TIAM2: variants seen among roughly 807,000 people sequenced by gnomAD.
TIAM2 encodes TIAM Rac1 associated GEF 2.
In TIAM2, 80 loss-of-function variants were observed where a neutral mutation model predicts 152.9. The observed-to-expected ratio is 0.52, with a 90% CI of 0.44 to 0.63. TIAM2 has a LOEUF of 0.63. Among genes scored for constraint, TIAM2 ranks in the 30% least tolerant of loss-of-function variants. TIAM2 has a pLI of 0.00. For synonymous variants in TIAM2, 804 were observed against 838.0 expected, an observed-to-expected ratio of 0.96 and a Z score of 0.70; for missense variants, 1,965 against 2,120.1, an observed-to-expected ratio of 0.93 and a Z score of 1.44.
intron 1 of TIAM2, among the ~76,000 whole-genome samples, chr6:155,035,679 T>A (rs186072072): frequency 1.2e-4 from 18 of 152,320 alleles, no homozygotes; most frequent in Non-Finnish European, 1.5e-4. Flanking sequence ...AAATTAAACC[T>A]AATTGAGATC....
At chr6:155,159,478 T>A (rs1780209033) in intron 7 of TIAM2, among the ~76,000 whole-genome samples, 1 of 152,172 alleles carries the variant, frequency 6.6e-6, no homozygotes, top group Non-Finnish European at 1.5e-5. Flanking sequence ...GCTAGTCTGG[T>A]AGGGTGAGCT....
At chr6:155,033,185 G>A (rs1776856900) in intron 1 of TIAM2, among the ~76,000 whole-genome samples, 1 of 152,142 alleles carries the variant, frequency 6.6e-6, no homozygotes, top group African/African-American at 2.4e-5. Flanking sequence ...CAGCCATGAC[G>A]GCCCCAGGCC....
At chr6:155,037,453 A>G (rs1379992497) in intron 1 of TIAM2, among the ~76,000 whole-genome samples, 1 of 152,002 alleles carries the variant, frequency 6.6e-6, no homozygotes, top group Non-Finnish European at 1.5e-5. Context: ...CATCACCTGG[A>G]ACTAAATGCA....
At chr6:155,102,413 G>A (rs1778571472) in intron 2 of TIAM2, among the ~76,000 whole-genome samples, 1 of 152,080 alleles carries the variant, frequency 6.6e-6, no homozygotes, top group African/African-American at 2.4e-5. Context: ...GAAGGATATG[G>A]GATTCAGGAA....
intron 14 of TIAM2, among the ~76,000 whole-genome samples, chr6:155,198,925 A>C (rs17086048): frequency 0.077 from 11,649 of 152,124 alleles, 523 homozygotes; most frequent in Non-Finnish European, 0.11. Flanking sequence ...CTGGAGTCCT[A>C]CTGCATATCC....
chr6:155,129,068 T>C lies in TIAM2; in HGVS notation c.-6-150T>C. 1 of 671,840 alleles carries C rather than the reference T, an allele frequency of 1.5e-6. No individual in the cohort carries two copies. Among genetic ancestry groups the C allele is most frequent in the Non-Finnish European group, 2.5e-6 (1 of 402,364 alleles). 41.6% of individuals were successfully genotyped at this position (671,840 alleles called of 1,614,324 possible). Reference sequence around the variant, plus strand: ...GCCTTGCAAAATAAGGAGAGCCTGTTCTACTGACTGACTCTTGTCCCTACT... The same window carrying C: ...GCCTTGCAAAATAAGGAGAGCCTGTCCTACTGACTGACTCTTGTCCCTACT... On this transcript the variant is annotated intron_variant, in intron 3 of 26. Coordinates refer to ENST00000682666, the MANE Select transcript of TIAM2 (RefSeq NM_012454.4). This position sits in a 1 kb window ranked among gnomAD's most constrained non-coding sequence, Gnocchi z 4.8.
intron 1 of TIAM2, among the ~76,000 whole-genome samples, chr6:155,059,327 C>T (rs867008828): frequency 0.019 from 1,473 of 76,926 alleles, 9 homozygotes; most frequent in Non-Finnish European, 0.026. Context: ...TGTGTGTGTG[C>T]GCGTGTATGT....
intron 1 of TIAM2, among the ~76,000 whole-genome samples, chr6:155,071,524 A>G (rs1777837073): frequency 6.6e-6 from 1 of 152,250 alleles, no homozygotes; most frequent in Non-Finnish European, 1.5e-5. Context: ...CTAGTGAAAC[A>G]GATGGGCATG....
intron 1 of TIAM2, among the ~76,000 whole-genome samples, chr6:155,027,241 G>C (rs1201154751): frequency 1.3e-5 from 2 of 151,066 alleles, no homozygotes; most frequent in Non-Finnish European, 2.9e-5. Context: ...GGCCAGGATG[G>C]TCTCTTACTC....
intron 14 of TIAM2, among the ~76,000 whole-genome samples, chr6:155,200,230 T>C (rs1344646041): frequency 6.6e-6 from 1 of 152,218 alleles, no homozygotes; most frequent in Non-Finnish European, 1.5e-5. Flanking sequence ...TGTGATCATC[T>C]GGGGCTTTCT....
chr6:155,051,204 T>G (rs1406988156), intron 1 of TIAM2, among the ~76,000 whole-genome samples: 3 of 152,038 alleles, frequency 2.0e-5, no homozygotes, highest in African/African-American at 7.2e-5. Context: ...GCACTTGGTC[T>G]CCAGTGGAGA....
intron 1 of TIAM2, among the ~76,000 whole-genome samples, chr6:154,998,564 T>A (rs946524281): frequency 2.6e-5 from 4 of 152,198 alleles, no homozygotes; most frequent in Admixed American, 2.6e-4. Context: ...CTGGTGGCAT[T>A]TTTCAAGCTA....
chr6:154,998,205 C>G (rs117104963), intron 1 of TIAM2, among the ~76,000 whole-genome samples: 3 of 152,090 alleles, frequency 2.0e-5, no homozygotes, highest in Non-Finnish European at 2.9e-5. Flanking sequence ...CGTGTCTAAT[C>G]GTGATTTGCT....
At chr6:155,114,228 A>AT (rs1284833411) in intron 2 of TIAM2, among the ~76,000 whole-genome samples, 1 of 149,650 alleles carries the variant, frequency 6.7e-6, no homozygotes, top group African/African-American at 2.5e-5. Context: ...TAATATTTGT[A>AT]TTTTTTTGTA....
At chr6:155,247,149 G>A (rs987194826) in intron 19 of TIAM2, among the ~76,000 whole-genome samples, 1 of 152,200 alleles carries the variant, frequency 6.6e-6, no homozygotes, top group African/African-American at 2.4e-5. Flanking sequence ...TGCAGGCTGT[G>A]GTGCCTGTCA....
In TIAM2 at chr6:155,256,925, G is replaced by GA. The variant is rs763193405; in HGVS notation, c.4914dup (p.Ala1639SerfsTer22). On this transcript the variant is annotated frameshift_variant, in exon 27 of 27. Transcript: ENST00000682666. LOFTEE classifies it high-confidence loss of function. The stretch of plus-strand genomic sequence containing the variant: ...CGGGGGCACTTCTGCCCCATTAAAC[G>GA]AAAAGCCAACAGCACCAAGAGGGAC... 1 of 1,614,164 alleles carries GA rather than the reference G, an allele frequency of 6.2e-7. No individual in the cohort carries two copies. The highest frequency in any genetic ancestry group is 1.7e-5 in the Admixed American group (1 of 60,026).
In TIAM2 at chr6:155,248,075, C is replaced by A; in HGVS notation, c.3728C>A (p.Ser1243Tyr). 1 of 1,614,226 alleles carries A rather than the reference C, an allele frequency of 6.2e-7. No homozygotes were observed. The highest frequency in any genetic ancestry group is 1.3e-5 in the African/African-American group (1 of 75,062). ...PTKQHSSTLE[S>Y]YLIKPVQRVL... is the part of the protein sequence containing the mutation. ...AAGCAGCATTCCTCCACGCTGGAGTCCTACCTCATCAAGCCGGTTCAGAGA... is the reference window on the plus strand; with the variant it reads ...AAGCAGCATTCCTCCACGCTGGAGTACTACCTCATCAAGCCGGTTCAGAGA... Residue 1243 changes from serine (S) to tyrosine (Y), a missense_variant, in exon 20 of 27, where the codon TCC becomes TAC. Ser to Tyr is a moderately radical substitution (Grantham distance 144). Around this residue, in one of 3 missense-constraint regions of TIAM2, gnomAD observed 935 missense variants for 980.0 expected, o/e 0.95. Transcript: ENST00000682666.
At chr6:155,125,607 G>A (rs1311982443) in intron 2 of TIAM2, among the ~76,000 whole-genome samples, 1 of 152,156 alleles carries the variant, frequency 6.6e-6, no homozygotes, top group Admixed American at 6.5e-5. Flanking sequence ...GGGAGGCTGA[G>A]GTGGGTGGAT....
chr6:155,251,935 C>T lies in TIAM2; in HGVS notation c.4061-10C>T, dbSNP rs1193570567. ...AAATAAAGACTTTCTTTCTCTTTTC[C>T]TTTCTTTAGTTTTTAAGAGAGCCGT... is the stretch of plus-strand genomic sequence containing the variant. On this transcript the variant is annotated splice_polypyrimidine_tract_variant and intron_variant, in intron 22 of 26. Coordinates refer to ENST00000682666, the MANE Select transcript of TIAM2 (RefSeq NM_012454.4). 14 of 1,597,050 alleles carry T rather than the reference C, an allele frequency of 8.8e-6. No individual in the cohort carries two copies. The highest frequency in any genetic ancestry group is 1.1e-5 in the Non-Finnish European group (13 of 1,170,580).
Sources: gnomAD v4.1 joint callset for allele counts (sites outside exome capture counted in the v4.1 genomes callset) on GRCh38, gnomAD v4.1.1 for gene constraint, gnomAD v4.1.1 regional missense constraint, Gnocchi (gnomAD v3.1) non-coding constraint, MANE v1.5 for transcripts, NCBI Gene and HGNC (gene_info 2026-07-23, HGNC 2026-07-21) for gene names.